The following KCNIP4 variants were observed in gnomAD, a reference collection of about 807,000 sequenced individuals.
KCNIP4 encodes potassium voltage-gated channel interacting protein 4.
In KCNIP4, 12 loss-of-function variants were observed where a neutral mutation model predicts 34.0. The ratio of observed to expected loss-of-function variants is 0.35; its 90% CI spans 0.23 to 0.57. The LOEUF (loss-of-function observed/expected upper bound fraction) is 0.57. Ranked by LOEUF, KCNIP4 falls within the 20% of genes least tolerant of loss-of-function variation. The pLI is 0.83. For synonymous variants in KCNIP4, 124 were observed against 102.2 expected, an observed-to-expected ratio of 1.21 and a Z score of -1.29; for missense variants, 238 against 311.7, an observed-to-expected ratio of 0.76 and a Z score of 1.78.
chr4:21,943,357 G>A (rs1730308540), intron 1 of KCNIP4, among the ~76,000 whole-genome samples: 1 of 152,122 alleles, frequency 6.6e-6, no homozygotes, highest in Non-Finnish European at 1.5e-5. Flanking sequence ...TTTTCACCAG[G>A]CAATGTGAGG....
chr4:20,808,443 G>A (rs1578668984), intron 3 of KCNIP4, among the ~76,000 whole-genome samples: 1 of 152,182 alleles, frequency 6.6e-6, no homozygotes, highest in African/African-American at 2.4e-5. Flanking sequence ...GAAACTGTAT[G>A]TAGCTCTTTT....
At chr4:20,955,999 C>A (rs1231322744) in intron 1 of KCNIP4, among the ~76,000 whole-genome samples, 1 of 152,172 alleles carries the variant, frequency 6.6e-6, no homozygotes, top group Non-Finnish European at 1.5e-5. Flanking sequence ...TTGTGCCAAG[C>A]CTTCTTGTGT....
chr4:20,908,869 T>A (rs568648172), intron 1 of KCNIP4, among the ~76,000 whole-genome samples: 1 of 152,364 alleles, frequency 6.6e-6, no homozygotes, highest in African/African-American at 2.4e-5. Flanking sequence ...ACATAATTCA[T>A]GAAAAGTGCT....
intron 1 of KCNIP4, among the ~76,000 whole-genome samples, chr4:21,583,082 A>G (rs1431006897): frequency 2.0e-5 from 3 of 151,972 alleles, no homozygotes; most frequent in Non-Finnish European, 4.4e-5. Flanking sequence ...CATGCTTATA[A>G]TGTTTCCATT....
chr4:21,382,525 C>T (rs1265084713), intron 1 of KCNIP4, among the ~76,000 whole-genome samples: 1 of 151,918 alleles, frequency 6.6e-6, no homozygotes, highest in East Asian at 1.9e-4. Flanking sequence ...ATAATTGTAG[C>T]TATAAGAGTA....
chr4:21,138,472 C>T (rs10033895), intron 1 of KCNIP4, among the ~76,000 whole-genome samples: 5,346 of 152,156 alleles, frequency 0.035, 289 homozygotes, highest in African/African-American at 0.12. Context: ...AAGCCAAATT[C>T]TGAAGACTTT....
intron 1 of KCNIP4, among the ~76,000 whole-genome samples, chr4:21,047,705 C>T (rs929324513): frequency 6.6e-6 from 1 of 152,158 alleles, no homozygotes; most frequent in Non-Finnish European, 1.5e-5. Context: ...CAATCTAATT[C>T]CACATGCCAA....
At chr4:20,766,105 C>A (rs950141385) in intron 3 of KCNIP4, among the ~76,000 whole-genome samples, 2 of 151,882 alleles carry the variant, frequency 1.3e-5, no homozygotes, top group African/African-American at 4.8e-5. Context: ...ATGTTCCAAC[C>A]CTTGCATTAA....
At chr4:21,267,219 C>G (rs561473406) in intron 1 of KCNIP4, among the ~76,000 whole-genome samples, 1 of 152,264 alleles carries the variant, frequency 6.6e-6, no homozygotes, top group East Asian at 1.9e-4. Context: ...TGACAGTCCT[C>G]TACTGTTTAA....
intron 1 of KCNIP4, among the ~76,000 whole-genome samples, chr4:20,962,824 G>A (rs1202652782): frequency 9.9e-5 from 15 of 152,142 alleles, no homozygotes; most frequent in Admixed American, 2.6e-4. Context: ...TTTAAATTGT[G>A]AAATCTCTAA....
chr4:21,052,936 G>C (rs977928418), intron 1 of KCNIP4, among the ~76,000 whole-genome samples: 1 of 151,898 alleles, frequency 6.6e-6, no homozygotes, highest in Non-Finnish European at 1.5e-5. Context: ...GAGACAGAGG[G>C]GGAGAAGAAG....
rs541116351 is a variant in KCNIP4, at chr4:21,351,183, C to T, written c.62-468474G>A. Among the ~76,000 whole-genome samples, 505 of 152,136 alleles carry T rather than the reference C, an allele frequency of 3.3e-3. 3 individuals carry two copies. Among genetic ancestry groups the T allele is most frequent in the African/African-American group, 0.012 (481 of 41,532 alleles). Reference sequence around the variant, plus strand: ...AAATATTATGGGCTGAACTGTGTTTCCCTCAAATTTATATGTTAAAGTTCT... The same window carrying T: ...AAATATTATGGGCTGAACTGTGTTTTCCTCAAATTTATATGTTAAAGTTCT... On this transcript the variant is annotated intron_variant, in intron 1 of 8. Transcript: ENST00000382152.
chr4:21,400,536 T>C (rs1449379183), intron 1 of KCNIP4, among the ~76,000 whole-genome samples: 1 of 89,508 alleles, frequency 1.1e-5, no homozygotes, highest in African/African-American at 5.0e-5. Flanking sequence ...TTCTCTTCTC[T>C]TCTCTTCTCT....
At chr4:20,827,128 T>C (rs1162214094) in intron 3 of KCNIP4, among the ~76,000 whole-genome samples, 2 of 152,048 alleles carry the variant, frequency 1.3e-5, no homozygotes, top group Non-Finnish European at 2.9e-5. Flanking sequence ...CATAGTGGAG[T>C]TCCCCTTCTT....
intron 1 of KCNIP4, among the ~76,000 whole-genome samples, chr4:20,889,314 G>T (rs2149533697): frequency 6.6e-6 from 1 of 152,062 alleles, no homozygotes; most frequent in African/African-American, 2.4e-5. Flanking sequence ...TATAAACAAG[G>T]GACTATAATT....
chr4:21,569,234 T>TAAAAA (rs71191521), intron 1 of KCNIP4, among the ~76,000 whole-genome samples: 573 of 25,190 alleles, frequency 0.023, 104 homozygotes, highest in Non-Finnish European at 0.026. Flanking sequence ...ACTGATATTC[T>TAAAAA]AAAAAAAAAA....
At chr4:21,007,530 A>G (rs965517751) in intron 1 of KCNIP4, among the ~76,000 whole-genome samples, 3 of 152,124 alleles carry the variant, frequency 2.0e-5, no homozygotes, top group African/African-American at 7.2e-5. Context: ...CCATTAAACC[A>G]TCTTCTCTAC....
intron 1 of KCNIP4, among the ~76,000 whole-genome samples, chr4:21,505,740 C>A (rs185757780): frequency 1.1e-4 from 17 of 152,234 alleles, no homozygotes; most frequent in Middle Eastern, 6.8e-3. Flanking sequence ...AAATCAATGA[C>A]CAATCTGAAA....
At chr4:21,110,080 A>G (rs1430752908) in intron 1 of KCNIP4, among the ~76,000 whole-genome samples, 3 of 152,164 alleles carry the variant, frequency 2.0e-5, no homozygotes, top group African/African-American at 7.2e-5. Flanking sequence ...GAGATCAAAT[A>G]TTTAACCCTT....
Sources: gnomAD v4.1 joint callset for allele counts (sites outside exome capture counted in the v4.1 genomes callset) on GRCh38, gnomAD v4.1.1 for gene constraint, MANE v1.5 for transcripts, NCBI Gene and HGNC (gene_info 2026-07-23, HGNC 2026-07-21) for gene names.